Variants in CBR3 observed in about 807,000 individuals in gnomAD.
CBR3 encodes carbonyl reductase [NADPH] 3.
In CBR3, 14 loss-of-function variants were observed where a neutral mutation model predicts 11.6. That is an observed-to-expected ratio of 1.20 (90% confidence interval 0.79 to 1.88). CBR3 has a LOEUF of 1.88. CBR3 is among the 40% of genes most tolerant of loss of function. CBR3 has a pLI of 0.00. For missense variants in CBR3, 308 were observed against 357.3 expected (o/e 0.86, Z 1.11); for synonymous variants, 125 against 145.6 (o/e 0.86, Z 1.02).
At chr21:36,144,747 G>A (rs1475156477) in intron 2 of CBR3, among the ~76,000 whole-genome samples, 1 of 31,520 alleles carries the variant, frequency 3.2e-5, no homozygotes, top group African/African-American at 1.2e-4. Context: ...GCAGTGAGCC[G>A]AGATTGTGCC....
chr21:36,139,284 G>C (rs1321292677), intron 2 of CBR3, among the ~76,000 whole-genome samples: 2 of 152,070 alleles, frequency 1.3e-5, no homozygotes, highest in Non-Finnish European at 2.9e-5. Context: ...GCTGTGCTGG[G>C]GTACAGGGAA....
intron 2 of CBR3, chr21:36,141,483 G>A (rs1409170710): frequency 6.6e-6 from 1 of 152,208 alleles, no homozygotes; most frequent in Non-Finnish European, 1.5e-5. Context: ...TCCAAGTACA[G>A]ATTCTGCAGA....
At position 36,135,424 on chromosome 21, in the gene CBR3, C is replaced by T. The variant is rs1402368045; in HGVS notation, c.232C>T (p.Arg78Cys). The T allele has an allele frequency of 6.2e-7, 1 of 1,613,620 alleles. No homozygotes were observed. Among genetic ancestry groups the T allele is most frequent in the Admixed American group, 1.7e-5 (1 of 60,004 alleles). Reference protein sequence around the residue: ...QSIRALRDFLRKEYGGLNVLV... With the variant: ...QSIRALRDFLCKEYGGLNVLV... ...CATCCGCGCCCTGCGCGACTTCCTGCGCAAGGAGTACGGGGGGCTCAACGT... is the reference window on the plus strand; with the variant it reads ...CATCCGCGCCCTGCGCGACTTCCTGTGCAAGGAGTACGGGGGGCTCAACGT... The change falls in exon 1 of 3, where the codon CGC (arginine) becomes TGC (cysteine). Residue 78 changes from arginine (R) to cysteine (C), a missense_variant. Transcript: ENST00000290354.
intron 1 of CBR3, chr21:36,137,021 C>T (rs2065664638): frequency 1.1e-5 from 1 of 89,170 alleles, no homozygotes; most frequent in Non-Finnish European, 2.1e-5. Context: ...GAGCGAGACT[C>T]TGCCTCAAAA....
chr21:36,137,616 A>G (rs1179758400), intron 1 of CBR3, among the ~76,000 whole-genome samples: 2 of 152,164 alleles, frequency 1.3e-5, no homozygotes, highest in African/African-American at 2.4e-5. Flanking sequence ...AGAAACTCCA[A>G]TGGTGAGGCC....
chr21:36,145,675 A>G (rs2065748052), intron 2 of CBR3, among the ~76,000 whole-genome samples: 1 of 151,948 alleles, frequency 6.6e-6, no homozygotes, highest in Admixed American at 6.6e-5. Flanking sequence ...AAACCTACAC[A>G]ATGGCCAGGT....
intron 1 of CBR3, chr21:36,137,529 A>C: frequency 9.1e-6 from 1 of 109,986 alleles, no homozygotes; most frequent in Non-Finnish European, 1.8e-5. Context: ...GAAGGAAGGA[A>C]GGAAGGAAGG....
At chr21:36,136,757 G>T (rs1462508995) in intron 1 of CBR3, among the ~76,000 whole-genome samples, 1 of 152,166 alleles carries the variant, frequency 6.6e-6, no homozygotes, top group Non-Finnish European at 1.5e-5. Flanking sequence ...GCTGGGCGCG[G>T]TGGCTCATGC....
intron 2 of CBR3, among the ~76,000 whole-genome samples, chr21:36,140,054 T>C (rs1279566907): frequency 2.0e-5 from 3 of 151,742 alleles, no homozygotes; most frequent in Non-Finnish European, 4.4e-5. Context: ...GCCCAGCTAA[T>C]TTTTTTGTAT....
In CBR3 at chr21:36,146,523, C is replaced by T. The variant is rs753122489; in HGVS notation, c.*11C>T. 2.2e-5 allele frequency: 34 copies of T among 1,569,660 alleles called. No homozygotes were observed. Among genetic ancestry groups the T allele is most frequent in the Middle Eastern group, 1.7e-4 (1 of 5,812 alleles). ...GTGCAAAACTGGTAAACGTCTGCTT[C>T]GGAGCTTGCTGCTTAATAAATGTTG... On this transcript the variant is annotated 3_prime_UTR_variant, in exon 3 of 3. Transcript: ENST00000290354.
chr21:36,142,431 C>CAAAAAAAAAAAAAAAAAAAAAAAAA (rs71326645), intron 2 of CBR3, among the ~76,000 whole-genome samples: 5 of 40,424 alleles, frequency 1.2e-4, no homozygotes, highest in African/African-American at 5.6e-4. Flanking sequence ...GACTCCATCT[C>CAAAAAAAAAAAAAAAAAAAAAAAAA]AAAAAAAAAA....
Position 36,146,077 on chromosome 21 carries a change from G to T in CBR3, c.399G>T (p.Gly133=). 6.2e-7 allele frequency: 1 copy of T among 1,604,404 alleles called. No individual in the cohort carries two copies. Among genetic ancestry groups the T allele is most frequent in the South Asian group, 1.1e-5 (1 of 90,850 alleles). The change falls in exon 3 of 3, where the codon GGG becomes GGT. Residue 133 remains glycine (G), a splice_region_variant and synonymous_variant. Coordinates refer to ENST00000290354, the MANE Select transcript of CBR3 (RefSeq NM_001236.4). ...CATATATTTATCATTCTGTTTCAGGGAGAGTGGTGAATATCAGTAGTTTGC... is the reference window on the plus strand; with the variant it reads ...CATATATTTATCATTCTGTTTCAGGTAGAGTGGTGAATATCAGTAGTTTGC... ...NELLPIMKPH[G]RVVNISSLQC... is the part of the protein sequence containing the mutation.
Position 36,146,265 on chromosome 21 carries a change from T to C in CBR3, c.587T>C (p.Val196Ala). 1 of 1,614,040 alleles carries C rather than the reference T, an allele frequency of 6.2e-7. No individual in the cohort carries two copies. The highest frequency in any genetic ancestry group is 8.5e-7 in the Non-Finnish European group (1 of 1,179,996). Residue 196 changes from valine (V) to alanine (A), a missense_variant, in exon 3 of 3, where the codon GTG (valine) becomes GCG (alanine). Coordinates refer to ENST00000290354, the MANE Select transcript of CBR3 (RefSeq NM_001236.4). ...REGWPNSPYGVSKLGVTVLSR... is the reference protein window; with the variant it reads ...REGWPNSPYGASKLGVTVLSR... The stretch of plus-strand genomic sequence containing the variant: ...GGCTGGCCCAACTCACCTTATGGGG[T>C]GTCCAAGTTGGGGGTCACGGTCTTA...
At position 36,135,434 on chromosome 21, in the gene CBR3, A is replaced by T. The variant is rs1382417222; in HGVS notation, c.242A>T (p.Tyr81Phe). Residue 81 changes from tyrosine to phenylalanine, a missense_variant, in exon 1 of 3, where the codon TAC (tyrosine) becomes TTC (phenylalanine). By Grantham distance (22) the Tyr-to-Phe change is conservative. Coordinates refer to ENST00000290354, the MANE Select transcript of CBR3 (RefSeq NM_001236.4). ...RALRDFLRKE[Y>F]GGLNVLVNNA... ...CTGCGCGACTTCCTGCGCAAGGAGT[A>T]CGGGGGGCTCAACGTACTGGTCAAC... 6.2e-7 allele frequency: 1 copy of T among 1,613,482 alleles called. No homozygotes were observed. Among genetic ancestry groups the T allele is most frequent in the Non-Finnish European group, 8.5e-7 (1 of 1,179,778 alleles).
chr21:36,136,295 C>G (rs1375044614), intron 1 of CBR3, among the ~76,000 whole-genome samples: 1 of 124,862 alleles, frequency 8.0e-6, no homozygotes, highest in Non-Finnish European at 1.7e-5. Flanking sequence ...GGAGACAGAG[C>G]GAGACTCCGT....
intron 2 of CBR3, among the ~76,000 whole-genome samples, chr21:36,144,099 T>C (rs2065735730): frequency 6.6e-6 from 1 of 152,036 alleles, no homozygotes; most frequent in Non-Finnish European, 1.5e-5. Context: ...GAGAGCACTG[T>C]CCCTCAGAAA....
intron 2 of CBR3, chr21:36,141,487 C>T (rs2065708826): frequency 6.6e-6 from 1 of 152,190 alleles, no homozygotes; most frequent in Non-Finnish European, 1.5e-5. Flanking sequence ...AGTACAGATT[C>T]TGCAGAATGC....
Position 36,137,931 on chromosome 21 carries a change from T to G in CBR3, c.396T>G (p.His132Gln). Residue 132 changes from histidine to glutamine, a missense_variant and splice_region_variant, in exon 2 of 3, where the codon CAT becomes CAG. Physicochemically the swap from His to Gln is conservative, Grantham distance 24. Coordinates refer to ENST00000290354, the MANE Select transcript of CBR3 (RefSeq NM_001236.4). ...AGTTACTGCCGATAATGAAACCTCA[T>G]GGTAAGCCCAACGTGTGGACAGTCG... ...CNELLPIMKP[H>Q]GRVVNISSLQ... 6.4e-7 allele frequency: 1 copy of G among 1,570,550 alleles called. No individual in the cohort carries two copies. Among genetic ancestry groups the G allele is most frequent in the South Asian group, 1.1e-5 (1 of 90,142 alleles).
chr21:36,142,443 A>AAAACAAACAAACAAACAAAC (rs2065720042), intron 2 of CBR3, among the ~76,000 whole-genome samples: 1 of 150,220 alleles, frequency 6.7e-6, no homozygotes, highest in Non-Finnish European at 1.5e-5. Flanking sequence ...AAAAAAAAAA[A>AAAACAAACAAACAAACAAAC]AAAAACGCAA....
Sources: allele counts gnomAD v4.1 joint callset (sites outside exome capture counted in the v4.1 genomes callset), GRCh38; gene constraint gnomAD v4.1.1; transcripts MANE v1.5; gene names NCBI Gene and HGNC (gene_info 2026-07-23, HGNC 2026-07-21).